Variants in TACC2 observed in about 807,000 individuals in gnomAD.
The protein encoded by TACC2 is transforming acidic coiled-coil-containing protein 2.
In TACC2, 137 loss-of-function variants were observed where a neutral mutation model predicts 227.3. That is an observed-to-expected ratio of 0.60 (90% CI 0.52 to 0.69). TACC2 has a LOEUF of 0.69. Among genes scored for constraint, TACC2 ranks in the 30% least tolerant of loss-of-function variants. The probability of loss-of-function intolerance (pLI) is 0.00; values close to 1 mark genes in which losing one functional copy is unlikely to be tolerated. For missense variants in TACC2, 3,470 were observed against 3,694.4 expected (o/e 0.94, Z 1.57); for synonymous variants, 1,523 against 1,487.5 (o/e 1.02, Z -0.55).
chr10:121,992,829 C>T (rs887365221), intron 1 of TACC2, among the ~76,000 whole-genome samples: 2 of 151,996 alleles, frequency 1.3e-5, no homozygotes, highest in East Asian at 3.9e-4. Flanking sequence ...GCAGTGGGCA[C>T]CTGTAGTCCC....
At chr10:122,059,627 G>A (rs2076582114) in intron 3 of TACC2, among the ~76,000 whole-genome samples, 1 of 152,254 alleles carries the variant, frequency 6.6e-6, no homozygotes, top group African/African-American at 2.4e-5. Flanking sequence ...TAGGTGGTGA[G>A]GATGCAGCTG....
chr10:122,219,018 CAAAAAAA>C (rs61446434), intron 11 of TACC2, among the ~76,000 whole-genome samples: 1 of 74,684 alleles, frequency 1.3e-5, no homozygotes, highest in African/African-American at 5.2e-5. Context: ...AGACTCGTCT[CAAAAAAA>C]AAAAAAAAAA....
At chr10:122,071,758 G>A (rs961906068) in intron 3 of TACC2, among the ~76,000 whole-genome samples, 9 of 149,554 alleles carry the variant, frequency 6.0e-5, no homozygotes, top group Non-Finnish European at 1.3e-4. Context: ...GTGGTGACGG[G>A]CACCTGTAAT....
At chr10:122,074,081 CTTTT>C (rs3981240) in intron 3 of TACC2, among the ~76,000 whole-genome samples, 16,000 of 132,116 alleles carry the variant, frequency 0.12, 1,030 homozygotes, top group Middle Eastern at 0.21. Context: ...CACCCGGCAT[CTTTT>C]TTTTTTTTTT....
intron 1 of TACC2, among the ~76,000 whole-genome samples, chr10:122,017,981 G>T (rs1956895884): frequency 7.3e-6 from 1 of 137,218 alleles, no homozygotes; most frequent in Non-Finnish European, 1.5e-5. Flanking sequence ...TGTAAAAGTA[G>T]ACCTCATTCG....
At chr10:122,224,459 C>T (rs976747076) in intron 11 of TACC2, among the ~76,000 whole-genome samples, 2 of 152,158 alleles carry the variant, frequency 1.3e-5, no homozygotes, top group Admixed American at 6.5e-5. Context: ...TGTGCTTGGT[C>T]GTGCCATGGA....
intron 1 of TACC2, among the ~76,000 whole-genome samples, chr10:121,998,284 C>T (rs1264159655): frequency 6.7e-6 from 1 of 148,648 alleles, no homozygotes; most frequent in Non-Finnish European, 1.5e-5. Flanking sequence ...TGCACTCCAG[C>T]CTGGGTGACA....
At chr10:122,107,878 A>ATTTTTTTTTTTTTTTTTT (rs1204393563) in intron 5 of TACC2, among the ~76,000 whole-genome samples, 7 of 88,448 alleles carry the variant, frequency 7.9e-5, no homozygotes, top group Non-Finnish European at 1.3e-4. Context: ...ATATATATAT[A>ATTTTTTTTTTTTTTTTTT]TATTTTTTTT....
At chr10:122,163,435 C>A in intron 7 of TACC2, 1 of 403,292 alleles carries the variant, frequency 2.5e-6, no homozygotes, top group South Asian at 1.0e-4. Flanking sequence ...TGCGGGCGGT[C>A]CCGGCGAGGC....
intron 7 of TACC2, among the ~76,000 whole-genome samples, chr10:122,187,304 A>G (rs1669064699): frequency 2.0e-5 from 3 of 152,070 alleles, no homozygotes; most frequent in Admixed American, 6.5e-5. Context: ...TGACCTCAGC[A>G]CTACCCGGAG....
Position 122,224,802 on chromosome 10 carries a change from C to A in TACC2, c.7608+15C>A. 6.2e-7 allele frequency: 1 copy of A among 1,611,694 alleles called. No individual in the cohort carries two copies. Among genetic ancestry groups the A allele is most frequent in the Non-Finnish European group, 8.5e-7 (1 of 1,177,914 alleles). On this transcript the variant is annotated intron_variant, in intron 12 of 22. Transcript: ENST00000369005. ...CCTCCTTACCTGTAAGTTCGTCTGC[C>A]TCGGGCCACTTAGGGGACTCGCTTT...
chr10:122,239,044 C>T (rs769738721), intron 18 of TACC2, among the ~76,000 whole-genome samples: 21 of 152,004 alleles, frequency 1.4e-4, no homozygotes, highest in Non-Finnish European at 2.9e-4. Flanking sequence ...CCTCTTGTTG[C>T]CCAGGCTGGA....
chr10:122,169,618 T>C (rs11200448), intron 7 of TACC2, among the ~76,000 whole-genome samples: 14,275 of 152,274 alleles, frequency 0.094, 774 homozygotes, highest in Middle Eastern at 0.16. Context: ...GGGCTCAGAC[T>C]TATGTCCCCT....
At chr10:122,208,009 G>C (rs1177348827) in intron 8 of TACC2, among the ~76,000 whole-genome samples, 1 of 152,186 alleles carries the variant, frequency 6.6e-6, no homozygotes, top group African/African-American at 2.4e-5. Flanking sequence ...AGGAAGAGGA[G>C]GTCACGGCTG....
chr10:122,202,846 G>C (rs1304879202), intron 8 of TACC2, among the ~76,000 whole-genome samples: 1 of 150,516 alleles, frequency 6.6e-6, no homozygotes, highest in Non-Finnish European at 1.5e-5. Flanking sequence ...TTGAGATTAG[G>C]GAGTGGTGAT....
intron 1 of TACC2, among the ~76,000 whole-genome samples, chr10:122,011,941 G>A (rs768245030): frequency 6.6e-6 from 1 of 151,830 alleles, no homozygotes; most frequent in Non-Finnish European, 1.5e-5. Context: ...TTGTTTGCTG[G>A]TTTGTTTTTG....
At chr10:122,015,726 C>T (rs1277389188) in intron 1 of TACC2, among the ~76,000 whole-genome samples, 2 of 151,214 alleles carry the variant, frequency 1.3e-5, no homozygotes, top group Non-Finnish European at 2.9e-5. Flanking sequence ...GTGGTGCATG[C>T]CTGTAATCCC....
chr10:122,037,801 C>A (rs540841472), intron 2 of TACC2, among the ~76,000 whole-genome samples: 1 of 152,308 alleles, frequency 6.6e-6, no homozygotes, highest in East Asian at 1.9e-4. Flanking sequence ...AGGGGCAGAG[C>A]CCCTTAGCAG....
intron 3 of TACC2, among the ~76,000 whole-genome samples, chr10:122,064,890 A>C (rs545569813): frequency 6.6e-6 from 1 of 152,254 alleles, no homozygotes; most frequent in South Asian, 2.1e-4. Flanking sequence ...TCCTGTATAG[A>C]TCTAGGTCAT....
Sources: allele counts gnomAD v4.1 joint callset (sites outside exome capture counted in the v4.1 genomes callset), GRCh38; gene constraint gnomAD v4.1.1; transcripts MANE v1.5; gene names NCBI Gene and HGNC (gene_info 2026-07-23, HGNC 2026-07-21).